SORCS1: variants seen among roughly 807,000 people sequenced by gnomAD.
SORCS1 encodes sortilin related VPS10 domain containing receptor 1.
In SORCS1, 60 loss-of-function variants were observed where a neutral mutation model predicts 146.1. The ratio of observed to expected loss-of-function variants is 0.41; its 90% CI spans 0.33 to 0.51. The LOEUF (loss-of-function observed/expected upper bound fraction) is 0.51. SORCS1 is among the 20% of genes least tolerant of loss of function. SORCS1 has a pLI of 0.21. For synonymous variants in SORCS1, 637 were observed against 584.0 expected, an observed-to-expected ratio of 1.09 and a Z score of -1.31; for missense variants, 1,352 against 1,487.6, an observed-to-expected ratio of 0.91 and a Z score of 1.50.
At chr10:106,983,055 ATATT>A (rs1956300583) in intron 1 of SORCS1, among the ~76,000 whole-genome samples, 1 of 151,106 alleles carries the variant, frequency 6.6e-6, no homozygotes, top group African/African-American at 2.4e-5. Context: ...TGATTTTTAA[ATATT>A]TATTTTGGCA....
At chr10:106,992,229 CT>C (rs1956798031) in intron 1 of SORCS1, among the ~76,000 whole-genome samples, 1 of 152,260 alleles carries the variant, frequency 6.6e-6, no homozygotes, top group East Asian at 1.9e-4. Flanking sequence ...GAGCCCCTGA[CT>C]TCCGTATATT....
intron 1 of SORCS1, among the ~76,000 whole-genome samples, chr10:106,982,728 T>C (rs1224982182): frequency 6.6e-6 from 1 of 152,158 alleles, no homozygotes; most frequent in Non-Finnish European, 1.5e-5. Flanking sequence ...TTAAGTATAC[T>C]AGAAATAACA....
intron 3 of SORCS1, among the ~76,000 whole-genome samples, chr10:106,794,001 A>G (rs754966741): frequency 3.3e-5 from 5 of 152,264 alleles, no homozygotes; most frequent in Non-Finnish European, 7.3e-5. Context: ...CAGGCTACAA[A>G]GAATGATTTC....
chr10:106,665,794 G>A (rs1358371280), intron 17 of SORCS1, among the ~76,000 whole-genome samples: 3 of 152,068 alleles, frequency 2.0e-5, no homozygotes, highest in African/African-American at 7.2e-5. Flanking sequence ...CTGCGCCATA[G>A]TATGCCCAGA....
intron 24 of SORCS1, among the ~76,000 whole-genome samples, chr10:106,581,025 C>T (rs143027855): frequency 6.6e-6 from 1 of 152,108 alleles, no homozygotes; most frequent in African/African-American, 2.4e-5. Context: ...GTGGAACGCC[C>T]AAGGCAAATT....
At chr10:106,854,551 CTT>C (rs962860971) in intron 2 of SORCS1, among the ~76,000 whole-genome samples, 13 of 147,144 alleles carry the variant, frequency 8.8e-5, no homozygotes, top group African/African-American at 3.1e-4. Context: ...TGTTTTCTGT[CTT>C]TTGTGATTTT....
At chr10:107,012,248 A>C (rs1749074647) in intron 1 of SORCS1, among the ~76,000 whole-genome samples, 1 of 152,128 alleles carries the variant, frequency 6.6e-6, no homozygotes, top group African/African-American at 2.4e-5. Flanking sequence ...CATCCCTCAC[A>C]CCCTCTTCCC....
intron 2 of SORCS1, among the ~76,000 whole-genome samples, chr10:106,862,059 A>C (rs1015732117): frequency 2.0e-5 from 3 of 152,210 alleles, no homozygotes; most frequent in Non-Finnish European, 4.4e-5. Context: ...AAAATGAGTA[A>C]ATCAATTCCT....
intron 1 of SORCS1, among the ~76,000 whole-genome samples, chr10:107,043,952 C>T (rs1479953137): frequency 6.6e-6 from 1 of 152,146 alleles, no homozygotes; most frequent in African/African-American, 2.4e-5. Context: ...GTAGGACTTC[C>T]ACAGCTTGTC....
At chr10:106,732,469 G>C (rs915586307) in intron 5 of SORCS1, among the ~76,000 whole-genome samples, 11 of 152,148 alleles carry the variant, frequency 7.2e-5, no homozygotes, top group Non-Finnish European at 1.3e-4. Flanking sequence ...TGAGCTGCTT[G>C]ACAAGCCTCA....
In SORCS1 at chr10:106,645,272, G is replaced by A. The variant is rs189147245; in HGVS notation, c.2475+7110C>T. Among the ~76,000 whole-genome samples the A allele has an allele frequency of 2.4e-3, 357 of 151,284 alleles. 5 individuals are homozygous for A. The highest frequency in any genetic ancestry group is 8.3e-3 in the African/African-American group (344 of 41,210). On this transcript the variant is annotated intron_variant, in intron 18 of 25. Transcript: ENST00000263054. Reference sequence around the variant, plus strand: ...CAACCTTCACCTCCTAGGTTCAGGCGATTCTCCTGCCTCAGCTTCCCAAGT... The same window carrying A: ...CAACCTTCACCTCCTAGGTTCAGGCAATTCTCCTGCCTCAGCTTCCCAAGT...
chr10:107,149,242 C>G (rs1210498140), intron 1 of SORCS1, among the ~76,000 whole-genome samples: 2 of 152,174 alleles, frequency 1.3e-5, no homozygotes, highest in Admixed American at 6.5e-5. Flanking sequence ...AAAGGGCCAA[C>G]CAATTAAAAG....
intron 2 of SORCS1, among the ~76,000 whole-genome samples, chr10:106,925,822 T>C (rs1952986422): frequency 6.6e-6 from 1 of 152,174 alleles, no homozygotes; most frequent in Non-Finnish European, 1.5e-5. Context: ...GGAGGGTCCA[T>C]TCCATGGAGA....
In SORCS1 at chr10:106,922,489, G is replaced by A. The variant is rs143915095; in HGVS notation, c.626+34024C>T. On this transcript the variant is annotated intron_variant, in intron 2 of 25. Transcript: ENST00000263054. Reference sequence around the variant, plus strand: ...CAAAACTTTGATACCATCAAATAACGAAACCAGTCAAAGACATTTTGGGGA... The same window carrying A: ...CAAAACTTTGATACCATCAAATAACAAAACCAGTCAAAGACATTTTGGGGA... Among the ~76,000 whole-genome samples the A allele has an allele frequency of 2.0e-3, 311 of 152,276 alleles. 4 individuals carry two copies. Among genetic ancestry groups the A allele is most frequent in the African/African-American group, 6.9e-3 (285 of 41,552 alleles).
intron 3 of SORCS1, among the ~76,000 whole-genome samples, chr10:106,785,340 C>G (rs1437538239): frequency 6.6e-6 from 1 of 152,194 alleles, no homozygotes; most frequent in Admixed American, 6.5e-5. Context: ...ATTTACTTTT[C>G]CCTAAATTGC....
At position 106,904,877 on chromosome 10, in the gene SORCS1, A is replaced by T. The variant is rs534112029; in HGVS notation, c.626+51636T>A. Among the ~76,000 whole-genome samples, 22 of 152,362 alleles carry T rather than the reference A, an allele frequency of 1.4e-4. No homozygotes were observed. In the South Asian group the frequency reaches 4.6e-3, roughly 32 times the overall value. ...TTACGTAATTAAACACATCTTAAAT[A>T]AAAACAATGTTAGAAATCAAAAATG... On this transcript the variant is annotated intron_variant, in intron 2 of 25. Transcript: ENST00000263054.
chr10:107,113,681 C>T (rs1418107102), intron 1 of SORCS1, among the ~76,000 whole-genome samples: 1 of 138,288 alleles, frequency 7.2e-6, no homozygotes, highest in African/African-American at 2.7e-5. Flanking sequence ...CAGGGCAAGA[C>T]TCCATCTCAA....
intron 19 of SORCS1, among the ~76,000 whole-genome samples, chr10:106,628,865 C>G (rs1436722298): frequency 1.3e-5 from 2 of 152,110 alleles, no homozygotes; most frequent in Non-Finnish European, 2.9e-5. Flanking sequence ...ATTTCTGACC[C>G]CAGCAAAACC....
intron 2 of SORCS1, among the ~76,000 whole-genome samples, chr10:106,917,235 C>CT (rs1161663896): frequency 6.6e-6 from 1 of 152,080 alleles, no homozygotes; most frequent in Non-Finnish European, 1.5e-5. Context: ...TTTTGAGTTT[C>CT]TTTTTTTAAC....
Sources: allele counts gnomAD v4.1 joint callset (sites outside exome capture counted in the v4.1 genomes callset), GRCh38; gene constraint gnomAD v4.1.1; transcripts MANE v1.5; gene names NCBI Gene and HGNC (gene_info 2026-07-23, HGNC 2026-07-21).